PCYT1B: variants seen among roughly 807,000 people sequenced by gnomAD.
PCYT1B encodes phosphate cytidylyltransferase 1B, choline.
Under a neutral mutation model 26.4 loss-of-function variants are expected in PCYT1B, and 10 were observed. That is an observed-to-expected ratio of 0.38 (90% CI 0.23 to 0.64). The LOEUF (loss-of-function observed/expected upper bound fraction) is 0.64, where lower values mean the gene tolerates loss of function less well. Among genes scored for constraint, PCYT1B ranks in the 30% least tolerant of loss-of-function variants. The pLI, the probability that PCYT1B is intolerant of heterozygous loss-of-function variation, is 0.56. For synonymous variants in PCYT1B, 131 were observed against 108.4 expected (o/e 1.21, Z -1.29); for missense variants, 161 against 292.7 (o/e 0.55, Z 3.28).
chrX:24,634,084 T>TA (rs747744393), intron 1 of PCYT1B, among the ~76,000 whole-genome samples: 3 of 106,670 alleles, frequency 2.8e-5, no homozygotes, highest in South Asian at 4.1e-4. Flanking sequence ...CTCATCTAAT[T>TA]AAAAAAAAAA....
intron 3 of PCYT1B, among the ~76,000 whole-genome samples, chrX:24,602,318 G>T (rs1045543720): frequency 8.9e-6 from 1 of 112,080 alleles, no homozygotes; most frequent in African/African-American, 3.2e-5. Flanking sequence ...AAGAACAGTG[G>T]TTGTCAGGGG....
intron 2 of PCYT1B, among the ~76,000 whole-genome samples, chrX:24,616,739 C>A (rs1925511535): frequency 8.9e-6 from 1 of 111,802 alleles, no homozygotes; most frequent in African/African-American, 3.2e-5. Context: ...CCAGGTGATT[C>A]TTTGTACACT....
intron 1 of PCYT1B, among the ~76,000 whole-genome samples, chrX:24,666,830 C>T (rs1330116600): frequency 9.0e-6 from 1 of 111,172 alleles, no homozygotes. Context: ...AGAGCTGGCT[C>T]CAAGTCCTTG....
intron 1 of PCYT1B, among the ~76,000 whole-genome samples, chrX:24,633,596 C>T (rs775751572): frequency 1.8e-5 from 2 of 111,530 alleles, no homozygotes; most frequent in South Asian, 7.7e-4. Context: ...ATCACTTGAA[C>T]CTAGGAGATG....
intron 1 of PCYT1B, among the ~76,000 whole-genome samples, chrX:24,620,727 G>C (rs1339868954): frequency 3.6e-5 from 4 of 112,318 alleles, no homozygotes; most frequent in Non-Finnish European, 7.5e-5. Context: ...TCAAAGGATG[G>C]AGGATTTCTT....
chrX:24,597,282 G>A (rs763682696), intron 3 of PCYT1B, among the ~76,000 whole-genome samples: 3 of 110,076 alleles, frequency 2.7e-5, no homozygotes, highest in South Asian at 3.9e-4. Flanking sequence ...GTGCCACCAC[G>A]CTTGGCTAAT....
chrX:24,633,685 C>G (rs1253624047), intron 1 of PCYT1B, among the ~76,000 whole-genome samples: 1 of 111,311 alleles, frequency 9.0e-6, no homozygotes, highest in African/African-American at 3.3e-5. Context: ...GTATATATAT[C>G]AATAAAAAAT....
intron 7 of PCYT1B, among the ~76,000 whole-genome samples, chrX:24,568,521 T>C (rs1351803225): frequency 9.0e-6 from 1 of 111,169 alleles, no homozygotes; most frequent in Non-Finnish European, 1.9e-5. Context: ...CACTACACTC[T>C]AGCCTGGGCA....
At chrX:24,563,044 C>T (rs1338778401) in intron 7 of PCYT1B, among the ~76,000 whole-genome samples, 1 of 111,802 alleles carries the variant, frequency 8.9e-6, no homozygotes, top group African/African-American at 3.3e-5. Context: ...GTTCTTAACA[C>T]TCTTTCCTTC....
chrX:24,620,685 ACACT>A (rs1368819511), intron 1 of PCYT1B, among the ~76,000 whole-genome samples: 4 of 112,024 alleles, frequency 3.6e-5, no homozygotes, highest in Non-Finnish European at 5.6e-5. Context: ...AAAGGAACTG[ACACT>A]CACTAACAGA....
At chrX:24,648,596 T>C (rs1276271404), upstream of PCYT1B, among the ~76,000 whole-genome samples, 1 of 108,583 alleles carries the variant, frequency 9.2e-6, no homozygotes, top group Non-Finnish European at 1.9e-5. Context: ...ATCTTTCATT[T>C]TTATCTACAG....
Position 24,656,232 on chromosome X carries a change from G to T in PCYT1B, c.63+16338C>A, listed in dbSNP as rs868779598. On this transcript the variant is annotated intron_variant, in intron 1 of 7. Transcript: ENST00000379145. ...AATCTATTATTGCAGGGGGTCGCGG[G>T]GGGGGGTGGTAATCAAGAAGACAGA... Among the ~76,000 whole-genome samples the T allele has an allele frequency of 7.1e-4, 71 of 100,593 alleles. 2 individuals are homozygous for T. The highest frequency in any genetic ancestry group is 2.2e-3 in the African/African-American group (62 of 27,787). The allele number at this position is 100,593 out of a possible 115,157, so 87.4% of individuals were successfully genotyped here. A position where few individuals can be genotyped will look rare whatever the true frequency, so the allele number is the denominator to read the frequency against.
At chrX:24,570,337 T>C (rs1923784300) in intron 7 of PCYT1B, among the ~76,000 whole-genome samples, 1 of 108,401 alleles carries the variant, frequency 9.2e-6, no homozygotes, top group Non-Finnish European at 1.9e-5. Context: ...CATTGCAACC[T>C]CCGCCTCCCG....
chrX:24,604,670 C>G (rs1466073801), intron 3 of PCYT1B, among the ~76,000 whole-genome samples: 1 of 111,355 alleles, frequency 9.0e-6, no homozygotes. Flanking sequence ...ATCCTCTTGC[C>G]TCAGTCTCCT....
chrX:24,658,024 C>G (rs1383129732), intron 1 of PCYT1B: 1 of 111,324 alleles, frequency 9.0e-6, no homozygotes, highest in East Asian at 2.8e-4. Flanking sequence ...AGATTTCCTC[C>G]TTGCTGTCCT....
intron 3 of PCYT1B, among the ~76,000 whole-genome samples, chrX:24,595,884 G>GAA (rs1180138372): frequency 5.4e-5 from 3 of 56,003 alleles, no homozygotes; most frequent in Non-Finnish European, 1.2e-4. Flanking sequence ...CTGTCTCAAA[G>GAA]AAAAAAAAAA....
chrX:24,572,969 CAT>C (rs1356911002), intron 7 of PCYT1B, among the ~76,000 whole-genome samples: 1 of 106,271 alleles, frequency 9.4e-6, no homozygotes, highest in East Asian at 2.9e-4. Context: ...CATACACACA[CAT>C]ATATATACAC....
At chrX:24,571,733 G>A (rs1270329275) in intron 7 of PCYT1B, among the ~76,000 whole-genome samples, 2 of 111,312 alleles carry the variant, frequency 1.8e-5, no homozygotes, top group African/African-American at 6.5e-5. Context: ...AGTGAGTCAT[G>A]ATCACACCAC....
At chrX:24,630,447 C>G (rs995507007) in intron 1 of PCYT1B, among the ~76,000 whole-genome samples, 14 of 110,776 alleles carry the variant, frequency 1.3e-4, no homozygotes, top group Admixed American at 9.6e-5. Context: ...AGGTGCCCAC[C>G]ACCACGCCCG....
Sources: allele counts gnomAD v4.1 joint callset (sites outside exome capture counted in the v4.1 genomes callset), GRCh38; gene constraint gnomAD v4.1.1; transcripts MANE v1.5; gene names NCBI Gene and HGNC (gene_info 2026-07-23, HGNC 2026-07-21).